SVEP1: variants seen among roughly 807,000 people sequenced by gnomAD.
SVEP1 encodes the protein sushi, von Willebrand factor type A, EGF and pentraxin domain containing 1.
In SVEP1, 164 loss-of-function variants were observed where a neutral mutation model predicts 367.3. That is an observed-to-expected ratio of 0.45 (90% CI 0.39 to 0.51). SVEP1 has a LOEUF of 0.51. Among genes scored for constraint, SVEP1 ranks in the 20% least tolerant of loss-of-function variants. The pLI, the probability that SVEP1 is intolerant of heterozygous loss-of-function variation, is 0.00. For synonymous variants in SVEP1, 1,666 were observed against 1,611.6 expected (o/e 1.03, Z -0.81); for missense variants, 4,117 against 4,425.3 (o/e 0.93, Z 1.98).
At chr9:110,371,254 A>G (rs1490824287) in intron 46 of SVEP1, among the ~76,000 whole-genome samples, 1 of 152,208 alleles carries the variant, frequency 6.6e-6, no homozygotes, top group Non-Finnish European at 1.5e-5. Context: ...GCTTGCTGAT[A>G]TAAGAACACG....
chr9:110,435,088 G>T (rs1422279449), intron 29 of SVEP1, among the ~76,000 whole-genome samples, 153 bp downstream of exon 29: 4 of 152,050 alleles, frequency 2.6e-5, no homozygotes, highest in African/African-American at 9.7e-5. Flanking sequence ...TCCTTTGGAT[G>T]AAAATAGGGT....
chr9:110,494,975 T>C (rs1466993736), intron 8 of SVEP1, among the ~76,000 whole-genome samples: 4 of 152,206 alleles, frequency 2.6e-5, no homozygotes, highest in Non-Finnish European at 4.4e-5. Flanking sequence ...AATCCTAGTA[T>C]ATTTCTCTGG....
At position 110,445,905 on chromosome 9, in the gene SVEP1, A is replaced by G. The variant is rs764537751; in HGVS notation, c.4395T>C (p.Tyr1465=). The G allele has an allele frequency of 7.2e-5, 117 of 1,613,854 alleles. No homozygotes were observed. The East Asian group carries it at 2.5e-3, about 35-fold the overall frequency. ...CAACTGCATAGGAGATTGGTGTTCC[A>G]TAGTTCATGTCGTCAGAGGATTTCA... is the stretch of plus-strand genomic sequence containing the variant. ...FWMKSSDDMN[Y]GTPISYAVDN... The change falls in exon 26 of 48, where the codon TAT becomes TAC. Residue 1465 remains tyrosine (Y), a synonymous_variant. Transcript: ENST00000374469.
intron 23 of SVEP1, 66 bp downstream of exon 23, chr9:110,451,223 A>T (rs1449864088): frequency 3.2e-6 from 4 of 1,267,624 alleles, no homozygotes; most frequent in Non-Finnish European, 4.5e-6. Context: ...ATATGTTAAG[A>T]AATGTACTAA....
At chr9:110,518,295 C>T (rs1261100692) in intron 3 of SVEP1, among the ~76,000 whole-genome samples, 1 of 151,816 alleles carries the variant, frequency 6.6e-6, no homozygotes, top group Non-Finnish European at 1.5e-5. Context: ...TGGTGGTGCA[C>T]ACCTGTAATC....
intron 40 of SVEP1, among the ~76,000 whole-genome samples, chr9:110,393,216 C>T (rs748910217): frequency 3.3e-5 from 5 of 152,136 alleles, no homozygotes; most frequent in South Asian, 2.1e-4. Flanking sequence ...GCATGAAGAA[C>T]GAGGTTTCAA....
At chr9:110,551,152 AC>A (rs1307786034) in intron 1 of SVEP1, among the ~76,000 whole-genome samples, 1 of 152,228 alleles carries the variant, frequency 6.6e-6, no homozygotes, top group Non-Finnish European at 1.5e-5. Context: ...AAGAGTGACA[AC>A]TGCATCCTAT....
rs148343406 is a variant in SVEP1, at chr9:110,569,717, T to A, written c.531+9296A>T. 8.4e-4 allele frequency among the ~76,000 whole-genome samples: 128 copies of A among 152,364 alleles called. 2 individuals are homozygous for A. The highest frequency in any genetic ancestry group is 3.1e-3 in the African/African-American group (127 of 41,584). ...AATTTTTCCTTAATTAGTTTCAAATTACATTTATTCACATAAAACAAGGTA... is the reference window on the plus strand; with the variant it reads ...AATTTTTCCTTAATTAGTTTCAAATAACATTTATTCACATAAAACAAGGTA... On this transcript the variant is annotated intron_variant, in intron 1 of 47. Transcript: ENST00000374469.
chr9:110,549,136 T>C (rs1159340880), intron 2 of SVEP1, among the ~76,000 whole-genome samples: 2 of 152,186 alleles, frequency 1.3e-5, no homozygotes, highest in African/African-American at 2.4e-5. Context: ...CTAGATTTCC[T>C]GTGATTTCTT....
intron 17 of SVEP1, among the ~76,000 whole-genome samples, chr9:110,468,114 G>A (rs760218885): frequency 9.9e-5 from 15 of 152,200 alleles, no homozygotes; most frequent in Non-Finnish European, 1.5e-5. Flanking sequence ...AAATTACTCA[G>A]TCTCAAGTAA....
intron 3 of SVEP1, among the ~76,000 whole-genome samples, chr9:110,536,890 C>T (rs1830086513): frequency 6.6e-6 from 1 of 151,898 alleles, no homozygotes; most frequent in Admixed American, 6.6e-5. Flanking sequence ...ATCTCCAGAA[C>T]TTATTCATCT....
At chr9:110,403,853 C>CT (rs11439177) in intron 39 of SVEP1, among the ~76,000 whole-genome samples, 72,439 of 144,228 alleles carry the variant, frequency 0.5, 18,135 homozygotes, top group Non-Finnish European at 0.55. Context: ...TAATAATACA[C>CT]TTTTTTTTTT....
intron 46 of SVEP1, among the ~76,000 whole-genome samples, chr9:110,374,274 GGA>G (rs1402550113): frequency 6.6e-6 from 1 of 152,106 alleles, no homozygotes; most frequent in Non-Finnish European, 1.5e-5. Flanking sequence ...CCTTTTATAA[GGA>G]TGATGGCCTC....
chr9:110,487,810 T>C (rs760689315), intron 9 of SVEP1, among the ~76,000 whole-genome samples: 40 of 152,184 alleles, frequency 2.6e-4, no homozygotes, highest in Non-Finnish European at 5.3e-4. Context: ...TTCATTACTT[T>C]TACTTTTGGA....
chr9:110,464,641 G>A (rs1356401356), intron 18 of SVEP1, among the ~76,000 whole-genome samples: 1 of 152,216 alleles, frequency 6.6e-6, no homozygotes, highest in East Asian at 1.9e-4. Context: ...CCTGAGAGAA[G>A]TAGGGAACCA....
chr9:110,474,230 C>T (rs1044874222), intron 14 of SVEP1, among the ~76,000 whole-genome samples: 2 of 152,114 alleles, frequency 1.3e-5, no homozygotes, highest in East Asian at 3.9e-4. Context: ...TAACTCCTGA[C>T]CTCAGGTGAT....
chr9:110,444,482 A>G lies in SVEP1; in HGVS notation c.4464-762T>C, dbSNP rs774421384. ...CTATTTATTATAGCAGCCTGAATGGACTAAGACAGTTGCTCATGTAGTCAT... is the reference window on the plus strand; with the variant it reads ...CTATTTATTATAGCAGCCTGAATGGGCTAAGACAGTTGCTCATGTAGTCAT... On this transcript the variant is annotated intron_variant, in intron 26 of 47. Coordinates refer to ENST00000374469, the MANE Select transcript of SVEP1 (RefSeq NM_153366.4). 1.3e-4 allele frequency among the ~76,000 whole-genome samples: 20 copies of G among 152,224 alleles called. 1 individual carries two copies. Among genetic ancestry groups the G allele is most frequent in the Non-Finnish European group, 2.9e-5 (2 of 68,044 alleles).
chr9:110,458,357 C>T (rs1564148591), intron 20 of SVEP1, 114 bp downstream of exon 20: 9 of 820,242 alleles, frequency 1.1e-5, no homozygotes, highest in Non-Finnish European at 1.7e-5. Context: ...AAAATTCATA[C>T]ATCTTGATTA....
rs1178233359 is a variant in SVEP1 at position 110,366,443 on chromosome 9, C to T, written c.*96G>A. The T allele has an allele frequency of 7.8e-7, 1 of 1,282,824 alleles. No individual in the cohort carries two copies. 79.5% of individuals were successfully genotyped at this position (1,282,824 alleles called of 1,614,324 possible). ...CAAGTTTACTAAACAAGACCCAGCA[C>T]CATGTTGGACTTTCTTTGCATAAGT... On this transcript the variant is annotated 3_prime_UTR_variant, in exon 48 of 48. Coordinates refer to ENST00000374469, the MANE Select transcript of SVEP1 (RefSeq NM_153366.4).
Sources: gnomAD v4.1 joint callset for allele counts (sites outside exome capture counted in the v4.1 genomes callset) on GRCh38, gnomAD v4.1.1 for gene constraint, MANE v1.5 for transcripts, NCBI Gene and HGNC (gene_info 2026-07-23, HGNC 2026-07-21) for gene names.